The following MCU variants were observed in gnomAD, a reference collection of about 807,000 sequenced individuals.
MCU encodes mitochondrial calcium uniporter.
In MCU, 12 loss-of-function variants were observed where a neutral mutation model predicts 45.2. The ratio of observed to expected loss-of-function variants is 0.27; its 90% confidence interval spans 0.17 to 0.43. MCU has a LOEUF of 0.43. MCU is among the 20% of genes least tolerant of loss of function. MCU has a pLI of 1.00. For missense variants in MCU, 324 were observed against 436.7 expected, an observed-to-expected ratio of 0.74 and a Z score of 2.30; for synonymous variants, 160 against 165.1, an observed-to-expected ratio of 0.97 and a Z score of 0.24.
At chr10:72,811,452 C>T (rs2132801192) in intron 1 of MCU, among the ~76,000 whole-genome samples, 1 of 152,128 alleles carries the variant, frequency 6.6e-6, no homozygotes, top group Non-Finnish European at 1.5e-5. Context: ...AGACTTGGTC[C>T]TCTACTAATC....
rs145413320 is a variant in MCU at position 72,796,162 on chromosome 10, A to G, written c.151-38197A>G. On this transcript the variant is annotated intron_variant, in intron 1 of 7. Transcript: ENST00000373053. Reference sequence around the variant, plus strand: ...AAAGAGAAACCTTTAAAACGGTCCAATTGTGGTGACTCATGCCTGTAACCA... The same window carrying G: ...AAAGAGAAACCTTTAAAACGGTCCAGTTGTGGTGACTCATGCCTGTAACCA... Among the ~76,000 whole-genome samples, 1,360 of 152,042 alleles carry G rather than the reference A, an allele frequency of 8.9e-3. 29 individuals carry two copies. The highest frequency in any genetic ancestry group is 0.031 in the African/African-American group (1,280 of 41,474).
intron 1 of MCU, among the ~76,000 whole-genome samples, chr10:72,769,679 T>C (rs1241002326): frequency 6.6e-6 from 1 of 152,184 alleles, no homozygotes; most frequent in Non-Finnish European, 1.5e-5. Flanking sequence ...GTTTTTAGTA[T>C]AATCACAGTT....
chr10:72,806,605 A>C (rs1391535785), intron 1 of MCU, among the ~76,000 whole-genome samples: 1 of 152,198 alleles, frequency 6.6e-6, no homozygotes, highest in Non-Finnish European at 1.5e-5. Context: ...TGGACCTTGC[A>C]TTCTAGTGGT....
chr10:72,705,714 G>A (rs1189503172), intron 1 of MCU, among the ~76,000 whole-genome samples: 2 of 151,942 alleles, frequency 1.3e-5, no homozygotes, highest in Non-Finnish European at 1.5e-5. Flanking sequence ...GCTACTTGGG[G>A]GGCTGAGGCA....
chr10:72,796,410 G>T (rs538952404), intron 1 of MCU, among the ~76,000 whole-genome samples: 5 of 152,262 alleles, frequency 3.3e-5, no homozygotes, highest in South Asian at 2.1e-4. Context: ...ACCTGAGTGA[G>T]ACTCTGTCTC....
At chr10:72,733,782 GT>G (rs1389390392) in intron 1 of MCU, among the ~76,000 whole-genome samples, 1 of 150,394 alleles carries the variant, frequency 6.6e-6, no homozygotes, top group Non-Finnish European at 1.5e-5. Flanking sequence ...CTTTCTGGTA[GT>G]TTAATTTCAC....
Position 72,869,173 on chromosome 10 carries a change from A to G in MCU, c.657+310A>G, listed in dbSNP as rs527430744. ...GGAAAGGCTCTTGAGTATAGTGGATAATGATTTTAGCCAAGTTAAGAATGA... is the reference window on the plus strand; with the variant it reads ...GGAAAGGCTCTTGAGTATAGTGGATGATGATTTTAGCCAAGTTAAGAATGA... On this transcript the variant is annotated intron_variant, in intron 5 of 7. Coordinates refer to ENST00000373053, the MANE Select transcript of MCU (RefSeq NM_138357.3). Among the ~76,000 whole-genome samples, 3 of 152,368 alleles carry G rather than the reference A, an allele frequency of 2.0e-5. No homozygotes were observed. The East Asian group carries it at 5.8e-4, about 29-fold the overall frequency.
At chr10:72,733,084 C>T (rs1054314993) in intron 1 of MCU, among the ~76,000 whole-genome samples, 10 of 152,230 alleles carry the variant, frequency 6.6e-5, no homozygotes, top group Admixed American at 5.9e-4. Context: ...TTTTAACTCT[C>T]CATTTCCTCC....
chr10:72,859,677 A>G (rs73288613), intron 3 of MCU, among the ~76,000 whole-genome samples: 9,027 of 152,272 alleles, frequency 0.059, 901 homozygotes, highest in African/African-American at 0.21. Flanking sequence ...TGTAGAATAA[A>G]TACTTCCAGT....
intron 1 of MCU, among the ~76,000 whole-genome samples, chr10:72,757,213 A>AAAGAGCTG (rs1843590431): frequency 6.6e-6 from 1 of 152,186 alleles, no homozygotes; most frequent in Non-Finnish European, 1.5e-5. Context: ...GCAGATAGTG[A>AAAGAGCTG]AAGAGCTGAG....
At chr10:72,746,387 G>A (rs947996089) in intron 1 of MCU, among the ~76,000 whole-genome samples, 2 of 152,124 alleles carry the variant, frequency 1.3e-5, no homozygotes, top group Non-Finnish European at 2.9e-5. Flanking sequence ...AAGATTTTTC[G>A]TACAGGCGTT....
chr10:72,818,882 T>G (rs943922662), intron 1 of MCU, among the ~76,000 whole-genome samples: 5 of 152,118 alleles, frequency 3.3e-5, no homozygotes, highest in Non-Finnish European at 5.9e-5. Flanking sequence ...AACATTGTCT[T>G]ATCAATGCTG....
chr10:72,826,032 A>C (rs1215761252), intron 1 of MCU, among the ~76,000 whole-genome samples: 1 of 152,180 alleles, frequency 6.6e-6, no homozygotes, highest in African/African-American at 2.4e-5. Context: ...GTCTGACAAT[A>C]CTGTTCCTAG....
Position 72,722,521 on chromosome 10 carries a change from C to CT in MCU, c.150+30233dup, listed in dbSNP as rs61668864. Among the ~76,000 whole-genome samples, 640 of 139,600 alleles carry CT rather than the reference C, an allele frequency of 4.6e-3. 6 individuals carry two copies. Among genetic ancestry groups the CT allele is most frequent in the African/African-American group, 0.014 (526 of 38,880 alleles). 91.6% of individuals were successfully genotyped at this position (139,600 alleles called of 152,430 possible). On this transcript the variant is annotated intron_variant, in intron 1 of 7. Transcript: ENST00000373053. ...GTTATTGGCACTTTTTTCTTTCTTT[C>CT]TTTTTTTTTTTTTAACATGCAACTA...
chr10:72,781,453 G>A (rs1285538348), intron 1 of MCU, among the ~76,000 whole-genome samples: 2 of 152,192 alleles, frequency 1.3e-5, no homozygotes, highest in East Asian at 3.8e-4. Context: ...TCCTAGTCAG[G>A]TTATAGGTGG....
chr10:72,797,230 T>A (rs565035301), intron 1 of MCU, among the ~76,000 whole-genome samples: 45 of 149,760 alleles, frequency 3.0e-4, no homozygotes, highest in African/African-American at 9.8e-4. Flanking sequence ...TATTTTATTT[T>A]ATTTTTTTTT....
intron 1 of MCU, chr10:72,721,070 C>G (rs1256970224): frequency 6.5e-6 from 1 of 154,116 alleles, no homozygotes; most frequent in Non-Finnish European, 1.5e-5. Flanking sequence ...TTGATTACTT[C>G]TCACTGTTTC....
intron 1 of MCU, among the ~76,000 whole-genome samples, chr10:72,742,022 C>CAAAAAAAAAAAAAAAAA (rs59028044): frequency 1.4e-5 from 1 of 72,888 alleles, no homozygotes. Flanking sequence ...GACTCCGTCT[C>CAAAAAAAAAAAAAAAAA]AAAAAAAAAA....
At chr10:72,866,972 C>T (rs1250979176) in intron 4 of MCU, among the ~76,000 whole-genome samples, 2 of 151,028 alleles carry the variant, frequency 1.3e-5, no homozygotes, top group East Asian at 3.9e-4. Context: ...AAGGAAGACA[C>T]TGTTGATTGA....
Sources: allele counts gnomAD v4.1 joint callset (sites outside exome capture counted in the v4.1 genomes callset), GRCh38; gene constraint gnomAD v4.1.1; transcripts MANE v1.5; gene names NCBI Gene and HGNC (gene_info 2026-07-23, HGNC 2026-07-21).